The following ZNRF2 variants were observed in gnomAD, a reference collection of about 807,000 sequenced individuals.
ZNRF2 encodes E3 ubiquitin-protein ligase ZNRF2.
In ZNRF2, 16 loss-of-function variants were observed where a neutral mutation model predicts 20.4. The observed-to-expected ratio is 0.79, with a 90% CI of 0.53 to 1.19. The LOEUF is 1.19. ZNRF2 is among the 50% of genes most tolerant of loss of function. ZNRF2 has a pLI of 0.00. For missense variants in ZNRF2, 363 were observed against 332.4 expected (o/e 1.09, Z -0.72); for synonymous variants, 178 against 144.9 (o/e 1.23, Z -1.64).
chr7:30,364,315 C>T (rs1281165713), intron 4 of ZNRF2, among the ~76,000 whole-genome samples: 3 of 152,160 alleles, frequency 2.0e-5, no homozygotes, highest in Non-Finnish European at 4.4e-5. Context: ...TACTAAAAGA[C>T]TGCCAATTTT....
intron 1 of ZNRF2, among the ~76,000 whole-genome samples, chr7:30,299,142 A>G (rs879401208): frequency 4.6e-5 from 7 of 152,104 alleles, no homozygotes; most frequent in Non-Finnish European, 1.0e-4. Context: ...AATTTGGATG[A>G]TGCCCCTGGG....
intron 1 of ZNRF2, among the ~76,000 whole-genome samples, chr7:30,291,292 T>G (rs909267491): frequency 1.3e-5 from 2 of 152,198 alleles, no homozygotes; most frequent in African/African-American, 4.8e-5. Flanking sequence ...TTTTATCTAA[T>G]GAAGTTTGAA....
chr7:30,319,770 A>C lies in ZNRF2; in HGVS notation c.470-3872A>C, dbSNP rs114313515. ...GAAGGATTAATGACACTAGTGATTCATTGTCTATATGTTTTCTTCTCTGTT... is the reference window on the plus strand; with the variant it reads ...GAAGGATTAATGACACTAGTGATTCCTTGTCTATATGTTTTCTTCTCTGTT... On this transcript the variant is annotated intron_variant, in intron 1 of 4. Transcript: ENST00000323037. Among the ~76,000 whole-genome samples the C allele has an allele frequency of 1.7e-3, 252 of 152,252 alleles. 1 individual carries two copies. The highest frequency in any genetic ancestry group is 3.8e-3 in the African/African-American group (156 of 41,542).
At chr7:30,293,916 A>T (rs1798961352) in intron 1 of ZNRF2, among the ~76,000 whole-genome samples, 1 of 152,216 alleles carries the variant, frequency 6.6e-6, no homozygotes, top group Non-Finnish European at 1.5e-5. Flanking sequence ...TTAGTCTGTA[A>T]TAGTTCTTTA....
chr7:30,291,395 C>T (rs139621119), intron 1 of ZNRF2, among the ~76,000 whole-genome samples: 1,533 of 152,304 alleles, frequency 0.01, 13 homozygotes, highest in Middle Eastern at 0.068. Context: ...AGACTTCAGG[C>T]TGTATGCAGC....
intron 1 of ZNRF2, among the ~76,000 whole-genome samples, chr7:30,289,455 A>T (rs1456589405): frequency 6.6e-6 from 1 of 152,180 alleles, no homozygotes; most frequent in Admixed American, 6.5e-5. Context: ...TATTGTAATT[A>T]ATCTATTTCC....
chr7:30,364,370 A>C (rs932232986), intron 4 of ZNRF2, among the ~76,000 whole-genome samples: 1 of 152,134 alleles, frequency 6.6e-6, no homozygotes, highest in Non-Finnish European at 1.5e-5. Flanking sequence ...GACACATTTA[A>C]AATATGAATT....
At chr7:30,317,138 G>A (rs1239771531) in intron 1 of ZNRF2, among the ~76,000 whole-genome samples, 1 of 152,054 alleles carries the variant, frequency 6.6e-6, no homozygotes, top group Non-Finnish European at 1.5e-5. Context: ...GCCTTTAATT[G>A]TGCCATTCTT....
intron 1 of ZNRF2, among the ~76,000 whole-genome samples, chr7:30,287,472 G>A (rs1375196487): frequency 1.2e-4 from 19 of 152,156 alleles, no homozygotes; most frequent in African/African-American, 4.6e-4. Context: ...CATTTTCTAA[G>A]AGCTGATAAT....
chr7:30,315,955 C>T (rs1335150541), intron 1 of ZNRF2, among the ~76,000 whole-genome samples: 1 of 152,032 alleles, frequency 6.6e-6, no homozygotes, highest in Non-Finnish European at 1.5e-5. Flanking sequence ...TTGCTTCATT[C>T]ATGTTCTTTC....
chr7:30,336,089 T>G (rs1243570296), intron 2 of ZNRF2, among the ~76,000 whole-genome samples: 1 of 152,166 alleles, frequency 6.6e-6, no homozygotes, highest in Non-Finnish European at 1.5e-5. Context: ...TGATTATGAT[T>G]TTTCTAAAGA....
chr7:30,359,893 TTTTGTGG>T (rs1430016583), intron 3 of ZNRF2, among the ~76,000 whole-genome samples: 1 of 152,228 alleles, frequency 6.6e-6, no homozygotes, highest in African/African-American at 2.4e-5. Context: ...TAGCTTAAAG[TTTTGTGG>T]AAAGCAGTGT....
chr7:30,335,558 T>C (rs1340274184), intron 2 of ZNRF2, among the ~76,000 whole-genome samples: 1 of 152,020 alleles, frequency 6.6e-6, no homozygotes, highest in Non-Finnish European at 1.5e-5. Context: ...ATTATATACA[T>C]ATATATATAC....
At chr7:30,311,656 G>A (rs1031218507) in intron 1 of ZNRF2, among the ~76,000 whole-genome samples, 1 of 152,170 alleles carries the variant, frequency 6.6e-6, no homozygotes, top group African/African-American at 2.4e-5. Flanking sequence ...CATGCTACCT[G>A]CTAAGCTTGA....
chr7:30,301,970 G>A lies in ZNRF2; in HGVS notation c.469+16144G>A, dbSNP rs532816651. Among the ~76,000 whole-genome samples, 29 of 152,262 alleles carry A rather than the reference G, an allele frequency of 1.9e-4. No individual in the cohort carries two copies. The South Asian group carries it at 4.6e-3, about 24-fold the overall frequency. ...CAGGGGTGGTGAACCAGTTCTGTCCGCTTCACTCCCTGGTGTTCGCAAGGC... is the reference window on the plus strand; with the variant it reads ...CAGGGGTGGTGAACCAGTTCTGTCCACTTCACTCCCTGGTGTTCGCAAGGC... On this transcript the variant is annotated intron_variant, in intron 1 of 4. Coordinates refer to ENST00000323037, the MANE Select transcript of ZNRF2 (RefSeq NM_147128.4).
At chr7:30,347,638 A>G (rs1425615204) in intron 2 of ZNRF2, among the ~76,000 whole-genome samples, 2 of 152,170 alleles carry the variant, frequency 1.3e-5, no homozygotes, top group Admixed American at 6.5e-5. Flanking sequence ...GCTTGAGCCC[A>G]GGAGGCAGAG....
chr7:30,297,638 G>A (rs1441844237), intron 1 of ZNRF2, among the ~76,000 whole-genome samples: 3 of 151,872 alleles, frequency 2.0e-5, no homozygotes, highest in Non-Finnish European at 4.4e-5. Flanking sequence ...TTGATCCTTT[G>A]TATGAAAATT....
rs1455712491 is a variant in ZNRF2, at chr7:30,285,910, C to T, written c.469+84C>T. 15 of 1,339,676 alleles carry T rather than the reference C, an allele frequency of 1.1e-5. No homozygotes were observed. The East Asian group carries it at 3.4e-4, about 30-fold the overall frequency. 83.0% of individuals were successfully genotyped at this position (1,339,676 alleles called of 1,614,324 possible). On this transcript the variant is annotated intron_variant, in intron 1 of 4. Coordinates refer to ENST00000323037, the MANE Select transcript of ZNRF2 (RefSeq NM_147128.4). Reference sequence around the variant, plus strand: ...GGCCGCCGGCTATTTTTACCCTTCTCCTTTTCTCCTTCTGCCGGGGCGCCG... The same window carrying T: ...GGCCGCCGGCTATTTTTACCCTTCTTCTTTTCTCCTTCTGCCGGGGCGCCG...
At chr7:30,313,210 G>A (rs540512074) in intron 1 of ZNRF2, among the ~76,000 whole-genome samples, 1 of 152,290 alleles carries the variant, frequency 6.6e-6, no homozygotes, top group East Asian at 1.9e-4. Context: ...GCTGGTACAG[G>A]TTTTTCCTAG....
Sources: gnomAD v4.1 joint callset for allele counts (sites outside exome capture counted in the v4.1 genomes callset) on GRCh38, gnomAD v4.1.1 for gene constraint, MANE v1.5 for transcripts, NCBI Gene and HGNC (gene_info 2026-07-23, HGNC 2026-07-21) for gene names.